MAD1L1: variants seen among roughly 807,000 people sequenced by gnomAD.
MAD1L1 encodes the protein mitotic arrest deficient 1 like 1.
Under a neutral mutation model 96.9 loss-of-function variants are expected in MAD1L1, and 95 were observed. That is an observed-to-expected ratio of 0.98 (90% CI 0.83 to 1.16). The LOEUF (loss-of-function observed/expected upper bound fraction) is 1.16, where lower values mean the gene tolerates loss of function less well. Ranked by LOEUF, MAD1L1 falls within the 50% of genes most tolerant of loss-of-function variation. MAD1L1 has a pLI of 0.00. For missense variants in MAD1L1, 1,007 were observed against 954.4 expected (o/e 1.06, Z -0.73); for synonymous variants, 473 against 396.6 (o/e 1.19, Z -2.29).
intron 17 of MAD1L1, among the ~76,000 whole-genome samples, chr7:1,920,530 T>G (rs1415327077): frequency 2.0e-5 from 3 of 151,458 alleles, no homozygotes; most frequent in Non-Finnish European, 4.4e-5. Flanking sequence ...TCGCATGGAG[T>G]TGGGGGAGAA....
chr7:2,177,812 A>G (rs556297693), intron 10 of MAD1L1, among the ~76,000 whole-genome samples: 1 of 152,352 alleles, frequency 6.6e-6, no homozygotes, highest in East Asian at 1.9e-4. Context: ...CTCACAGGCC[A>G]GAGTTTGCAT....
intron 15 of MAD1L1, among the ~76,000 whole-genome samples, chr7:1,967,753 G>A (rs1160251260): frequency 6.6e-6 from 1 of 152,258 alleles, no homozygotes; most frequent in African/African-American, 2.4e-5. Context: ...GCACAGCAGG[G>A]CGCGGCCGGC....
At chr7:1,890,617 A>C (rs540696594) in intron 18 of MAD1L1, among the ~76,000 whole-genome samples, 73 of 152,362 alleles carry the variant, frequency 4.8e-4, no homozygotes, top group Non-Finnish European at 8.5e-4. Context: ...CAAAGACACC[A>C]GGCAAGCCCA....
At chr7:1,944,528 C>T in intron 16 of MAD1L1, among the ~76,000 whole-genome samples, 1 of 152,096 alleles carries the variant, frequency 6.6e-6, no homozygotes, top group East Asian at 1.9e-4. Flanking sequence ...ACGGGGAGGA[C>T]AAGGGCTGAG....
chr7:2,180,624 G>A (rs1181792254), intron 10 of MAD1L1, among the ~76,000 whole-genome samples: 1 of 152,124 alleles, frequency 6.6e-6, no homozygotes, highest in African/African-American at 2.4e-5. Context: ...AAAGCAAAAT[G>A]CCAATGAGAA....
At chr7:1,868,259 CAGTT>C (rs1183813872) in intron 18 of MAD1L1, among the ~76,000 whole-genome samples, 1 of 152,200 alleles carries the variant, frequency 6.6e-6, no homozygotes, top group African/African-American at 2.4e-5. Flanking sequence ...TAACCGAAAT[CAGTT>C]AGAACTTTCT....
At chr7:2,210,098 T>C (rs1800287232) in intron 10 of MAD1L1, 1 of 152,168 alleles carries the variant, frequency 6.6e-6, no homozygotes, top group Non-Finnish European at 1.5e-5. Flanking sequence ...TTGGTTTTTG[T>C]TTTTGTTTTT....
rs371328742 is a variant in MAD1L1, at chr7:1,898,178, A to G, written c.1998+22T>C. On this transcript the variant is annotated intron_variant, in intron 18 of 18. Transcript: ENST00000265854. ...GAGACAGAGAGCGAGACAGCCGGAG[A>G]GCCGTCACACGCAGGACCCACCTTG... 3.2e-6 allele frequency: 5 copies of G among 1,584,242 alleles called. No homozygotes were observed. The African/African-American group carries it at 5.4e-5, about 17-fold the overall frequency.
intron 11 of MAD1L1, among the ~76,000 whole-genome samples, chr7:2,123,384 T>C (rs1254652301): frequency 6.6e-6 from 1 of 151,532 alleles, no homozygotes; most frequent in African/African-American, 2.4e-5. Flanking sequence ...CTTGGAGACA[T>C]TGCGGGAGGG....
At chr7:2,063,902 A>G (rs1562651757) in intron 12 of MAD1L1, among the ~76,000 whole-genome samples, 1 of 152,208 alleles carries the variant, frequency 6.6e-6, no homozygotes, top group Non-Finnish European at 1.5e-5. Flanking sequence ...AGAGGAGAAG[A>G]GACACAGTCA....
chr7:1,830,183 G>C (rs1193026785), intron 18 of MAD1L1, among the ~76,000 whole-genome samples: 3 of 152,218 alleles, frequency 2.0e-5, no homozygotes, highest in South Asian at 4.1e-4. Context: ...GATCACCTGA[G>C]GTCAGGAGTT....
intron 18 of MAD1L1, among the ~76,000 whole-genome samples, chr7:1,878,959 G>C (rs1344798037): frequency 6.6e-6 from 1 of 151,924 alleles, no homozygotes; most frequent in African/African-American, 2.4e-5. Flanking sequence ...ATATATAAAA[G>C]TCAATTATTT....
chr7:2,163,705 TGA>T (rs1439381382), intron 10 of MAD1L1, among the ~76,000 whole-genome samples: 1 of 152,090 alleles, frequency 6.6e-6, no homozygotes, highest in African/African-American at 2.4e-5. Context: ...AACTTGGTCA[TGA>T]GAGTTGCTGT....
chr7:2,229,209 G>C (rs1202314671), intron 3 of MAD1L1, among the ~76,000 whole-genome samples: 2 of 152,180 alleles, frequency 1.3e-5, no homozygotes, highest in African/African-American at 2.4e-5. Context: ...CCGCAGCAGG[G>C]ACTGGGAAAG....
intron 10 of MAD1L1, among the ~76,000 whole-genome samples, chr7:2,190,869 C>A (rs1791686233): frequency 6.6e-6 from 1 of 152,202 alleles, no homozygotes; most frequent in Non-Finnish European, 1.5e-5. Flanking sequence ...GGAATTCTCA[C>A]ACACGGGTGG....
intron 11 of MAD1L1, among the ~76,000 whole-genome samples, chr7:2,070,590 C>G (rs1584249642): frequency 6.6e-6 from 1 of 152,366 alleles, no homozygotes; most frequent in East Asian, 1.9e-4. Flanking sequence ...ACAGCCCAGG[C>G]AGGCGCAGAG....
rs778630947 is a variant in MAD1L1 at position 2,149,238 on chromosome 7, C to A, written c.987G>T (p.Arg329Ser). Residue 329 changes from arginine to serine, a missense_variant and splice_region_variant, in exon 11 of 19, where the codon AGG becomes AGT. Coordinates refer to ENST00000265854, the MANE Select transcript of MAD1L1 (RefSeq NM_001013836.2). ...RLDQTMGLSI[R>S]TPEDLSRFVV... ...CGAATCTGGAAAGGTCTTCTGGAGTCCTGCAGGATAAACAAGGCACACTCA... is the reference window on the plus strand; with the variant it reads ...CGAATCTGGAAAGGTCTTCTGGAGTACTGCAGGATAAACAAGGCACACTCA... 20 of 1,613,004 alleles carry A rather than the reference C, an allele frequency of 1.2e-5. No individual in the cohort carries two copies. Among genetic ancestry groups the A allele is most frequent in the Non-Finnish European group, 1.6e-5 (19 of 1,179,262 alleles).
intron 11 of MAD1L1, among the ~76,000 whole-genome samples, chr7:2,082,877 A>T (rs1785723915): frequency 6.6e-6 from 1 of 152,230 alleles, no homozygotes; most frequent in Non-Finnish European, 1.5e-5. Flanking sequence ...AATGAAGCAC[A>T]TTCGGCCTGT....
At chr7:2,173,649 A>G (rs1443173095) in intron 10 of MAD1L1, among the ~76,000 whole-genome samples, 2 of 152,086 alleles carry the variant, frequency 1.3e-5, no homozygotes, top group African/African-American at 4.8e-5. Flanking sequence ...AGGACTGAGC[A>G]CCATCTGCCC....
Sources: allele counts gnomAD v4.1 joint callset (sites outside exome capture counted in the v4.1 genomes callset), GRCh38; gene constraint gnomAD v4.1.1; transcripts MANE v1.5; gene names NCBI Gene and HGNC (gene_info 2026-07-23, HGNC 2026-07-21).